Variants in RNF111 observed in about 807,000 individuals in gnomAD.
RNF111 encodes the protein E3 ubiquitin-protein ligase Arkadia.
RNF111 carries 17 observed loss-of-function variants against 95.1 expected under a neutral mutation model. That is an observed-to-expected ratio of 0.18 (90% CI 0.12 to 0.27). The LOEUF (loss-of-function observed/expected upper bound fraction) is 0.27, where lower values mean the gene tolerates loss of function less well. Ranked by LOEUF, RNF111 falls within the 10% of genes least tolerant of loss-of-function variation. The pLI is 1.00. For synonymous variants in RNF111, 440 were observed against 414.8 expected, an observed-to-expected ratio of 1.06 and a Z score of -0.74; for missense variants, 1,189 against 1,210.4, an observed-to-expected ratio of 0.98 and a Z score of 0.26.
At chr15:59,056,353 CAA>C (rs2042200355) in intron 4 of RNF111, among the ~76,000 whole-genome samples, 1 of 151,980 alleles carries the variant, frequency 6.6e-6, no homozygotes, top group African/African-American at 2.4e-5. Context: ...ACTGAGGAAA[CAA>C]AACCAGAGTT....
intron 1 of RNF111, among the ~76,000 whole-genome samples, chr15:59,029,121 T>C (rs1373850899): frequency 2.0e-5 from 3 of 152,146 alleles, no homozygotes; most frequent in Non-Finnish European, 4.4e-5. Context: ...CTTCCCAAAG[T>C]AGCTTGTATC....
At chr15:59,092,125 A>C (rs940879218) in intron 12 of RNF111, among the ~76,000 whole-genome samples, 6 of 152,232 alleles carry the variant, frequency 3.9e-5, no homozygotes, top group Non-Finnish European at 7.3e-5. Flanking sequence ...TTACCAGTAC[A>C]TTCAAGTTTT....
chr15:59,095,755 A>G lies in RNF111; in HGVS notation c.*855A>G, dbSNP rs1443789395. The G allele has an allele frequency of 2.8e-6, 1 of 355,272 alleles. No homozygotes were observed. Among genetic ancestry groups the G allele is most frequent in the African/African-American group, 2.1e-5 (1 of 47,754 alleles). 22.0% of individuals were successfully genotyped at this position (355,272 alleles called of 1,614,324 possible). On this transcript the variant is annotated 3_prime_UTR_variant, in exon 14 of 14. Coordinates refer to ENST00000348370, the MANE Select transcript of RNF111 (RefSeq NM_017610.8). ...ATTTAACAAAATTTTAGGGAAATTG[A>G]AAAAGACATGTAGAATTTGTTGTCT...
rs781306163 is a variant in RNF111 at position 59,084,214 on chromosome 15, A to G, written c.2383A>G (p.Met795Val). 1.9e-6 allele frequency: 3 copies of G among 1,597,878 alleles called. No homozygotes were observed. The highest frequency in any genetic ancestry group is 2.3e-5 in the South Asian group (2 of 88,276). Residue 795 changes from methionine (M) to valine (V), a missense_variant, in exon 9 of 14, where the codon ATG becomes GTG. Physicochemically the swap from Met to Val is conservative, Grantham distance 21. Transcript: ENST00000348370. ...GCATCATATTCATGTGCCTCAGACT[A>G]TGTCCTCACATCCTCGACAGGCTCC... is the stretch of plus-strand genomic sequence containing the variant. ...HGHHIHVPQT[M>V]SSHPRQAPER...
chr15:58,987,717 A>AGCG lies in RNF111; in HGVS notation c.-359_-357dup, dbSNP rs200091286. On this transcript the variant is annotated 5_prime_UTR_variant, in exon 1 of 14. Coordinates refer to ENST00000348370, the MANE Select transcript of RNF111 (RefSeq NM_017610.8). ...ATTGGTTAGGCGGCGGCGGCGGCGA[A>AGCG]GCGGCGGCGGCGGCTGTAGGGGAGC... is the stretch of plus-strand genomic sequence containing the variant. The AGCG allele has an allele frequency of 5.6e-3, 1,001 of 179,514 alleles. 13 individuals are homozygous for AGCG. Among genetic ancestry groups the AGCG allele is most frequent in the African/African-American group, 0.022 (912 of 41,704 alleles). The allele number at this position is 179,514 out of a possible 1,614,324, so 11.1% of individuals were successfully genotyped here.
intron 1 of RNF111, chr15:59,004,244 C>A: frequency 4.2e-6 from 2 of 477,186 alleles, no homozygotes; most frequent in Non-Finnish European, 6.1e-6. Flanking sequence ...TTTTCTCTCC[C>A]AATTATCTTT....
intron 6 of RNF111, among the ~76,000 whole-genome samples, chr15:59,074,406 C>T (rs987594799): frequency 6.6e-6 from 1 of 152,192 alleles, no homozygotes; most frequent in East Asian, 1.9e-4. Context: ...CATAAATGAT[C>T]TTAGCTGGAT....
intron 1 of RNF111, among the ~76,000 whole-genome samples, chr15:59,014,476 T>G (rs1478448208): frequency 6.6e-6 from 1 of 152,222 alleles, no homozygotes. Flanking sequence ...ATTTGTATCA[T>G]AATACTTGGC....
At chr15:58,998,000 G>T (rs1487753041) in intron 1 of RNF111, among the ~76,000 whole-genome samples, 1 of 151,582 alleles carries the variant, frequency 6.6e-6, no homozygotes, top group Non-Finnish European at 1.5e-5. Flanking sequence ...TGCCTCCCAG[G>T]TTGAATCAAT....
At chr15:58,989,591 C>T (rs531815135) in intron 1 of RNF111, among the ~76,000 whole-genome samples, 47 of 152,118 alleles carry the variant, frequency 3.1e-4, no homozygotes, top group Non-Finnish European at 6.6e-4. Context: ...AGTTATTTCA[C>T]CAGACATAGA....
rs534514218 is a variant in RNF111 at position 59,024,002 on chromosome 15, A to G, written c.-19-6802A>G. On this transcript the variant is annotated intron_variant, in intron 1 of 13. Transcript: ENST00000348370. Reference sequence around the variant, plus strand: ...ATGTAGATCAGTTTACCAATAATATATAGGAAAAAATCTTTTGGCTCCCTG... The same window carrying G: ...ATGTAGATCAGTTTACCAATAATATGTAGGAAAAAATCTTTTGGCTCCCTG... 2.6e-5 allele frequency among the ~76,000 whole-genome samples: 4 copies of G among 152,234 alleles called. No homozygotes were observed. The South Asian group carries it at 8.3e-4, about 32-fold the overall frequency.
chr15:59,004,682 T>G (rs2039460844), intron 1 of RNF111, among the ~76,000 whole-genome samples: 1 of 152,208 alleles, frequency 6.6e-6, no homozygotes, highest in Non-Finnish European at 1.5e-5. Flanking sequence ...AAAAATGGCA[T>G]TTAGTCAAAG....
chr15:59,012,411 C>G (rs1332313483), intron 1 of RNF111, among the ~76,000 whole-genome samples: 1 of 152,050 alleles, frequency 6.6e-6, no homozygotes, highest in African/African-American at 2.4e-5. Context: ...CTTATCTGTT[C>G]TCATTTAATA....
intron 12 of RNF111, 140 bp from the exon 13 acceptor site, chr15:59,092,397 A>T: frequency 1.4e-6 from 1 of 720,840 alleles, no homozygotes; most frequent in Non-Finnish European, 2.1e-6. Flanking sequence ...CCATTTATTT[A>T]TGACAGTCTT....
chr15:59,051,437 G>T (rs554965765), intron 2 of RNF111, among the ~76,000 whole-genome samples: 1 of 131,520 alleles, frequency 7.6e-6, no homozygotes, highest in African/African-American at 3.0e-5. Context: ...CAGACTGGGC[G>T]ATTGAGCGAG....
intron 1 of RNF111, among the ~76,000 whole-genome samples, chr15:59,017,072 A>G (rs866432702): frequency 1.3e-5 from 2 of 151,966 alleles, no homozygotes; most frequent in African/African-American, 4.8e-5. Flanking sequence ...GTATAATATT[A>G]TATATTGCAA....
chr15:59,053,674 T>G (rs142410896), intron 3 of RNF111, among the ~76,000 whole-genome samples: 85 of 152,304 alleles, frequency 5.6e-4, no homozygotes, highest in Middle Eastern at 3.4e-3. Context: ...CCTCTGACCG[T>G]GCATAGTGCT....
intron 2 of RNF111, among the ~76,000 whole-genome samples, chr15:59,042,609 C>A (rs8041221): frequency 1.3e-5 from 2 of 151,852 alleles, no homozygotes; most frequent in African/African-American, 4.8e-5. Flanking sequence ...TTTATCCTTA[C>A]GTATAATAGG....
At chr15:59,037,006 T>C (rs2041212321) in intron 2 of RNF111, among the ~76,000 whole-genome samples, 5 of 151,950 alleles carry the variant, frequency 3.3e-5, no homozygotes, top group Admixed American at 6.6e-5. Context: ...ACTAATTTTT[T>C]TTTTTTTTTT....
Sources: gnomAD v4.1 joint callset for allele counts (sites outside exome capture counted in the v4.1 genomes callset) on GRCh38, gnomAD v4.1.1 for gene constraint, MANE v1.5 for transcripts, NCBI Gene and HGNC (gene_info 2026-07-23, HGNC 2026-07-21) for gene names.